The following PHLDB2 variants were observed in gnomAD, a reference collection of about 807,000 sequenced individuals.
PHLDB2 encodes pleckstrin homology-like domain family B member 2.
In PHLDB2, 71 loss-of-function variants were observed where a neutral mutation model predicts 123.6. That is an observed-to-expected ratio of 0.57 (90% CI 0.47 to 0.70). The LOEUF is 0.70. Among genes scored for constraint, PHLDB2 ranks in the 30% least tolerant of loss-of-function variants. The pLI is 0.00. For missense variants in PHLDB2, 1,446 were observed against 1,519.5 expected (o/e 0.95, Z 0.80); for synonymous variants, 547 against 541.6 (o/e 1.01, Z -0.14).
At chr3:111,904,276 T>TTAAAAAAAAAAAA (rs1368088646) in intron 2 of PHLDB2, among the ~76,000 whole-genome samples, 12 of 11,038 alleles carry the variant, frequency 1.1e-3, no homozygotes, top group African/African-American at 2.0e-3. Flanking sequence ...AGACCCTGTC[T>TTAAAAAAAAAAAA]CAAAAAAAAA....
At chr3:111,969,213 T>A (rs569234187) in intron 15 of PHLDB2, among the ~76,000 whole-genome samples, 71 of 152,344 alleles carry the variant, frequency 4.7e-4, no homozygotes, top group Middle Eastern at 6.8e-3. Flanking sequence ...TACAGCTTTG[T>A]GGGATCCTGT....
chr3:111,916,776 A>G (rs1403361327), intron 3 of PHLDB2: 1 of 152,144 alleles, frequency 6.6e-6, no homozygotes, highest in Non-Finnish European at 1.5e-5. Flanking sequence ...TTTAAGAAGA[A>G]ATCTGTGAAA....
intron 1 of PHLDB2, among the ~76,000 whole-genome samples, chr3:111,781,223 A>G (rs2060462933): frequency 6.6e-6 from 1 of 151,916 alleles, no homozygotes; most frequent in Non-Finnish European, 1.5e-5. Context: ...TGTCTGATGA[A>G]CTCTATTGAC....
At chr3:111,929,395 A>C (rs1218169296) in intron 5 of PHLDB2, among the ~76,000 whole-genome samples, 1 of 152,192 alleles carries the variant, frequency 6.6e-6, no homozygotes, top group Non-Finnish European at 1.5e-5. Flanking sequence ...AGGTGAGTTT[A>C]CCAATTTAAA....
intron 1 of PHLDB2, among the ~76,000 whole-genome samples, chr3:111,867,705 A>T (rs544610502): frequency 8.6e-5 from 13 of 151,830 alleles, no homozygotes; most frequent in East Asian, 3.9e-4. Flanking sequence ...TTTTAATTTT[A>T]ATTTTTATTT....
intron 1 of PHLDB2, among the ~76,000 whole-genome samples, chr3:111,751,166 G>GGGGT (rs1553722788): frequency 4.7e-5 from 6 of 126,484 alleles, no homozygotes; most frequent in African/African-American, 1.7e-4. Context: ...AGGAGACAAT[G>GGGGT]GGGTGTGTGT....
intron 1 of PHLDB2, among the ~76,000 whole-genome samples, chr3:111,816,870 A>G (rs926943842): frequency 2.6e-5 from 4 of 152,212 alleles, no homozygotes; most frequent in Non-Finnish European, 4.4e-5. Flanking sequence ...TGTTGTGGGA[A>G]CAACCCAGTG....
upstream of PHLDB2, among the ~76,000 whole-genome samples, chr3:111,854,456 G>A (rs1044289599): frequency 1.3e-5 from 2 of 152,154 alleles, no homozygotes; most frequent in Non-Finnish European, 2.9e-5. Context: ...TAATATTAAA[G>A]CGAACTTCAG....
chr3:111,973,655 T>A, intron 16 of PHLDB2, 77 bp from the exon 17 acceptor site: 1 of 803,832 alleles, frequency 1.2e-6, no homozygotes, highest in Non-Finnish European at 2.0e-6. Flanking sequence ...ATTTTAATGA[T>A]TATAATTGTA....
chr3:111,779,696 G>C (rs2060334727), intron 1 of PHLDB2, among the ~76,000 whole-genome samples: 1 of 152,042 alleles, frequency 6.6e-6, no homozygotes, highest in Non-Finnish European at 1.5e-5. Context: ...ATGGGCACCT[G>C]GGTTCATTCC....
chr3:111,830,961 GA>G (rs1559854971), intron 1 of PHLDB2, among the ~76,000 whole-genome samples: 65 of 25,764 alleles, frequency 2.5e-3, no homozygotes, highest in Middle Eastern at 0.019. Flanking sequence ...GAAAGAGAAA[GA>G]AAGAAAGAAA....
At chr3:111,923,344 CCT>C (rs1296768183) in intron 5 of PHLDB2, among the ~76,000 whole-genome samples, 1 of 152,252 alleles carries the variant, frequency 6.6e-6, no homozygotes, top group East Asian at 1.9e-4. Context: ...CTTTTGTTTG[CCT>C]CTGTGTACCA....
chr3:111,922,136 T>C (rs2068552428), intron 5 of PHLDB2, among the ~76,000 whole-genome samples: 1 of 152,380 alleles, frequency 6.6e-6, no homozygotes, highest in East Asian at 1.9e-4. Context: ...TTGCTATGTA[T>C]ATCATATTGG....
intron 1 of PHLDB2, among the ~76,000 whole-genome samples, chr3:111,822,539 C>A (rs569273783): frequency 5.2e-4 from 79 of 152,226 alleles, no homozygotes; most frequent in African/African-American, 1.8e-3. Context: ...GACCACCACA[C>A]ATTTCTAGTA....
intron 10 of PHLDB2, chr3:111,949,767 A>G (rs1361640099): frequency 7.2e-5 from 71 of 985,520 alleles, no homozygotes; most frequent in Non-Finnish European, 8.6e-5. Flanking sequence ...CTATCACTCA[A>G]CATACATCAG....
intron 12 of PHLDB2, among the ~76,000 whole-genome samples, chr3:111,955,525 A>C (rs2070999250): frequency 1.3e-5 from 2 of 152,108 alleles, no homozygotes; most frequent in Admixed American, 6.5e-5. Context: ...ATTATAGCTC[A>C]CTGCAAACTC....
intron 1 of PHLDB2, among the ~76,000 whole-genome samples, chr3:111,791,416 T>C (rs537629389): frequency 1.2e-4 from 18 of 152,230 alleles, no homozygotes; most frequent in Non-Finnish European, 1.9e-4. Flanking sequence ...GACTAACTCA[T>C]TGTTAGTGCC....
chr3:111,758,392 A>T (rs6438009), intron 1 of PHLDB2, among the ~76,000 whole-genome samples: 2 of 152,056 alleles, frequency 1.3e-5, no homozygotes, highest in East Asian at 3.9e-4. Context: ...CTCTGTGGGC[A>T]TAGGACCCTC....
intron 3 of PHLDB2, chr3:111,917,699 C>T (rs1259851056): frequency 2.0e-5 from 3 of 152,150 alleles, no homozygotes; most frequent in African/African-American, 7.2e-5. Flanking sequence ...CCTAACAAAC[C>T]TGAGGTACTA....
Sources: gnomAD v4.1 joint callset for allele counts (sites outside exome capture counted in the v4.1 genomes callset) on GRCh38, gnomAD v4.1.1 for gene constraint, MANE v1.5 for transcripts, NCBI Gene and HGNC (gene_info 2026-07-23, HGNC 2026-07-21) for gene names.